ARL15: variants seen among roughly 807,000 people sequenced by gnomAD.
ARL15 encodes the protein ADP-ribosylation factor-like protein 15.
A neutral mutation model predicts 25.2 loss-of-function variants in ARL15; 19 were observed. The observed-to-expected ratio is 0.75, with a 90% CI of 0.53 to 1.10. The LOEUF is 1.10. Among genes scored for constraint, ARL15 ranks in the 50% least tolerant of loss-of-function variants. The pLI, the probability that ARL15 is intolerant of heterozygous loss-of-function variation, is 0.00. For missense variants in ARL15, 220 were observed against 246.0 expected (o/e 0.89, Z 0.71); for synonymous variants, 94 against 86.8 (o/e 1.08, Z -0.46).
At chr5:54,127,946 T>C (rs1057497995) in intron 3 of ARL15, among the ~76,000 whole-genome samples, 1 of 152,118 alleles carries the variant, frequency 6.6e-6, no homozygotes, top group African/African-American at 2.4e-5. Flanking sequence ...TAAATGGTGC[T>C]GGGAAAACTG....
intron 4 of ARL15, among the ~76,000 whole-genome samples, chr5:54,051,705 AT>A: frequency 6.6e-6 from 1 of 152,318 alleles, no homozygotes; most frequent in East Asian, 1.9e-4. Context: ...ATTCTCATTC[AT>A]TGATGGTGAG....
intron 4 of ARL15, among the ~76,000 whole-genome samples, chr5:53,920,179 T>C (rs1343948718): frequency 1.3e-5 from 2 of 152,288 alleles, no homozygotes; most frequent in South Asian, 4.1e-4. Flanking sequence ...CCTTCATAAC[T>C]TTTGGGGGTC....
intron 1 of ARL15, among the ~76,000 whole-genome samples, chr5:54,227,491 A>T (rs548841081): frequency 6.6e-6 from 1 of 152,328 alleles, no homozygotes; most frequent in South Asian, 2.1e-4. Flanking sequence ...GGGCCAGAAG[A>T]CTTGCTCAAA....
At position 54,257,148 on chromosome 5, in the gene ARL15, ACTCT is replaced by A. The variant is rs200494031; in HGVS notation, c.48+53280_48+53283del. On this transcript the variant is annotated intron_variant, in intron 1 of 4. Transcript: ENST00000504924. Reference sequence around the variant, plus strand: ...CCCAAGTTGGAAAAGACGATGTCAAACTCTCTCTGCCAATGATAAATGAATTCAG... The same window carrying A: ...CCCAAGTTGGAAAAGACGATGTCAAACTCTGCCAATGATAAATGAATTCAG... Among the ~76,000 whole-genome samples, 1,431 of 152,312 alleles carry A rather than the reference ACTCT, an allele frequency of 9.4e-3. 11 individuals carry two copies. The highest frequency in any genetic ancestry group is 0.017 in the Admixed American group (256 of 15,290).
intron 4 of ARL15, among the ~76,000 whole-genome samples, chr5:54,029,913 C>A (rs892724778): frequency 6.6e-6 from 1 of 151,948 alleles, no homozygotes; most frequent in African/African-American, 2.4e-5. Flanking sequence ...AGGAGAATTA[C>A]GTGAACCTGG....
intron 4 of ARL15, among the ~76,000 whole-genome samples, chr5:54,079,578 AAGAT>A (rs1751723185): frequency 6.6e-6 from 1 of 152,190 alleles, no homozygotes; most frequent in Non-Finnish European, 1.5e-5. Flanking sequence ...TCAAATGAAC[AAGAT>A]AGATAGATAC....
chr5:53,931,670 T>C (rs866470034), intron 4 of ARL15, among the ~76,000 whole-genome samples: 36 of 152,338 alleles, frequency 2.4e-4, no homozygotes, highest in Middle Eastern at 3.4e-3. Flanking sequence ...TAAAAAATTA[T>C]GTACCTTTTC....
chr5:53,984,073 C>G (rs972569608), intron 4 of ARL15, among the ~76,000 whole-genome samples: 2 of 152,186 alleles, frequency 1.3e-5, no homozygotes, highest in African/African-American at 4.8e-5. Flanking sequence ...TAGAGAGTGA[C>G]CGCCCTGGAT....
intron 1 of ARL15, among the ~76,000 whole-genome samples, chr5:54,277,715 G>A (rs1415332803): frequency 6.6e-6 from 1 of 152,092 alleles, no homozygotes; most frequent in African/African-American, 2.4e-5. Flanking sequence ...TCGTGCCACT[G>A]CACTCCAGGC....
chr5:54,100,814 T>A lies in ARL15; in HGVS notation c.462+12388A>T, dbSNP rs907868266. Among the ~76,000 whole-genome samples, 6 of 152,064 alleles carry A rather than the reference T, an allele frequency of 3.9e-5. No homozygotes were observed. In the East Asian group the frequency reaches 1.2e-3, roughly 29 times the overall value. ...TTCTAACCTTTTGACATTCAAAGTT[T>A]AGTAATAAAGCAGCCTGGTTTCAGA... On this transcript the variant is annotated intron_variant, in intron 4 of 4. Coordinates refer to ENST00000504924, the MANE Select transcript of ARL15 (RefSeq NM_019087.3).
intron 1 of ARL15, among the ~76,000 whole-genome samples, chr5:54,226,097 G>A (rs974527511): frequency 1.3e-5 from 2 of 152,106 alleles, no homozygotes; most frequent in Non-Finnish European, 2.9e-5. Context: ...GGGGGAGTGG[G>A]AAGGCAGTCA....
At position 54,087,712 on chromosome 5, in the gene ARL15, C is replaced by T. The variant is rs140846859; in HGVS notation, c.462+25490G>A. On this transcript the variant is annotated intron_variant, in intron 4 of 4. Transcript: ENST00000504924. ...GAAGCCAGTAACACTGCTACATCTA[C>T]AGGAAACAAAAATGAAACTAAATGG... Among the ~76,000 whole-genome samples, 695 of 152,374 alleles carry T rather than the reference C, an allele frequency of 4.6e-3. 6 individuals carry two copies. Among genetic ancestry groups the T allele is most frequent in the African/African-American group, 0.016 (654 of 41,578 alleles).
intron 3 of ARL15, among the ~76,000 whole-genome samples, chr5:54,137,135 TA>T (rs1163509260): frequency 2.0e-5 from 3 of 151,852 alleles, no homozygotes; most frequent in Non-Finnish European, 4.4e-5. Flanking sequence ...CATTGCACAT[TA>T]AAAACAAGGA....
At chr5:53,893,628 CA>C (rs1744788098) in intron 4 of ARL15, among the ~76,000 whole-genome samples, 1 of 152,074 alleles carries the variant, frequency 6.6e-6, no homozygotes, top group African/African-American at 2.4e-5. Context: ...AACAAACAAA[CA>C]AACAAAGTCA....
chr5:54,029,953 C>A (rs1020385486), intron 4 of ARL15, among the ~76,000 whole-genome samples: 1 of 151,826 alleles, frequency 6.6e-6, no homozygotes, highest in African/African-American at 2.4e-5. Context: ...GCAGAGATAG[C>A]GCCACTGCAC....
At chr5:53,935,798 C>A (rs1746331417) in intron 4 of ARL15, among the ~76,000 whole-genome samples, 1 of 152,142 alleles carries the variant, frequency 6.6e-6, no homozygotes, top group South Asian at 2.1e-4. Context: ...CTCTGTTGCC[C>A]AGGCTGGAGT....
At chr5:54,133,420 G>A (rs1561236875) in intron 3 of ARL15, among the ~76,000 whole-genome samples, 1 of 152,146 alleles carries the variant, frequency 6.6e-6, no homozygotes, top group African/African-American at 2.4e-5. Flanking sequence ...ACCCCGAGGA[G>A]AGAGAAAGTG....
chr5:53,905,450 A>G (rs1052140222), intron 4 of ARL15, among the ~76,000 whole-genome samples: 3 of 152,152 alleles, frequency 2.0e-5, no homozygotes, highest in Admixed American at 6.6e-5. Flanking sequence ...GTTATTCTGA[A>G]TGTATTTGTA....
At chr5:54,047,635 T>C (rs1750564293) in intron 4 of ARL15, among the ~76,000 whole-genome samples, 3 of 152,154 alleles carry the variant, frequency 2.0e-5, no homozygotes, top group African/African-American at 7.2e-5. Flanking sequence ...GAATATAGAA[T>C]GCTCTTCTCA....
Sources: allele counts gnomAD v4.1 joint callset (sites outside exome capture counted in the v4.1 genomes callset), GRCh38; gene constraint gnomAD v4.1.1; transcripts MANE v1.5; gene names NCBI Gene and HGNC (gene_info 2026-07-23, HGNC 2026-07-21).